The following TTC6 variants were observed in gnomAD, a reference collection of about 807,000 sequenced individuals.
The protein encoded by TTC6 is tetratricopeptide repeat domain 6.
Under a neutral mutation model 210.4 loss-of-function variants are expected in TTC6, and 172 were observed. The observed-to-expected ratio is 0.82, with a 90% CI of 0.72 to 0.93. The LOEUF (loss-of-function observed/expected upper bound fraction) is 0.93. Ranked by LOEUF, TTC6 falls within the 40% of genes least tolerant of loss-of-function variation. The pLI, the probability that TTC6 is intolerant of heterozygous loss-of-function variation, is 0.00. For synonymous variants in TTC6, 804 were observed against 819.6 expected, an observed-to-expected ratio of 0.98 and a Z score of 0.32; for missense variants, 2,414 against 2,318.1, an observed-to-expected ratio of 1.04 and a Z score of -0.85.
intron 13 of TTC6, among the ~76,000 whole-genome samples, chr14:37,751,823 CT>C (rs71127240): frequency 1.0e-4 from 13 of 125,486 alleles, no homozygotes; most frequent in African/African-American, 1.8e-4. Flanking sequence ...AGGAAATGAA[CT>C]TTTTTTTTTT....
At chr14:37,801,568 CCTT>C (rs1235626596) in intron 20 of TTC6, among the ~76,000 whole-genome samples, 1 of 152,134 alleles carries the variant, frequency 6.6e-6, no homozygotes, top group Non-Finnish European at 1.5e-5. Context: ...TATAAGACCT[CCTT>C]CTTAGCAGAG....
chr14:37,667,799 C>T (rs1328950734), intron 1 of TTC6, among the ~76,000 whole-genome samples: 1 of 150,502 alleles, frequency 6.6e-6, no homozygotes, highest in Non-Finnish European at 1.5e-5. Flanking sequence ...CAGTTTTTAC[C>T]TCCACTAAAG....
chr14:37,815,133 G>C (rs1363350188), intron 25 of TTC6, among the ~76,000 whole-genome samples: 1 of 152,176 alleles, frequency 6.6e-6, no homozygotes, highest in African/African-American at 2.4e-5. Flanking sequence ...AGATAGTAGA[G>C]AAGAGATGTT....
rs1025422697 is a variant in TTC6, at chr14:37,622,509, G to A, written c.445G>A (p.Val149Met). The A allele has an allele frequency of 7.2e-6, 11 of 1,535,160 alleles. No individual in the cohort carries two copies. The Admixed American group carries it at 1.6e-4, about 22-fold the overall frequency. The change falls in exon 1 of 31, where the codon GTG becomes ATG. Residue 149 changes from valine (V) to methionine (M), a missense_variant. Transcript: ENST00000553443. Reference sequence around the variant, plus strand: ...CTCGGGGTTCGGCACGGCCAGACCCGTGGTCCTGCTGCCTCCGCCCGAGCC... The same window carrying A: ...CTCGGGGTTCGGCACGGCCAGACCCATGGTCCTGCTGCCTCCGCCCGAGCC...
chr14:37,704,047 T>G (rs537378252), intron 5 of TTC6, among the ~76,000 whole-genome samples: 1 of 152,152 alleles, frequency 6.6e-6, no homozygotes. Context: ...TCAAGATTGT[T>G]TGTGAACATT....
intron 25 of TTC6, among the ~76,000 whole-genome samples, chr14:37,814,705 G>T (rs2096137503): frequency 6.6e-6 from 1 of 152,024 alleles, no homozygotes; most frequent in Non-Finnish European, 1.5e-5. Flanking sequence ...ATATACCACA[G>T]AAACAAATTG....
At chr14:37,651,384 ATGT>A (rs2095710803) in intron 1 of TTC6, among the ~76,000 whole-genome samples, 1 of 57,410 alleles carries the variant, frequency 1.7e-5, no homozygotes, top group African/African-American at 6.4e-5. Flanking sequence ...TGCACTGTTT[ATGT>A]TATATATATA....
At chr14:37,735,574 T>C (rs2095899442) in intron 7 of TTC6, among the ~76,000 whole-genome samples, 1 of 152,208 alleles carries the variant, frequency 6.6e-6, no homozygotes, top group Non-Finnish European at 1.5e-5. Flanking sequence ...AAACTAGATA[T>C]GTCTTGTTCA....
chr14:37,802,255 CAG>C (rs1390865847), intron 20 of TTC6: 1 of 152,066 alleles, frequency 6.6e-6, no homozygotes, highest in East Asian at 1.9e-4. Flanking sequence ...TGCGGGGAGA[CAG>C]AGCATTAGGA....
intron 20 of TTC6, among the ~76,000 whole-genome samples, chr14:37,801,530 G>A (rs1375507692): frequency 6.6e-6 from 1 of 152,112 alleles, no homozygotes; most frequent in African/African-American, 2.4e-5. Flanking sequence ...AATTGGTGGG[G>A]TGTCGCTCCC....
chr14:37,692,889 A>C, intron 3 of TTC6, among the ~76,000 whole-genome samples: 1 of 149,098 alleles, frequency 6.7e-6, no homozygotes, highest in Non-Finnish European at 1.5e-5. Flanking sequence ...ATAAATAAAT[A>C]AATAAATAAA....
chr14:37,744,846 G>A (rs2095931159), intron 10 of TTC6, among the ~76,000 whole-genome samples: 1 of 152,112 alleles, frequency 6.6e-6, no homozygotes, highest in Non-Finnish European at 1.5e-5. Context: ...AGTGGAGCAG[G>A]GAGACCAGTT....
At chr14:37,830,602 A>C (rs1056344330) in intron 29 of TTC6, among the ~76,000 whole-genome samples, 26 of 151,710 alleles carry the variant, frequency 1.7e-4, no homozygotes, top group Admixed American at 1.6e-3. Context: ...TGGACCTCAT[A>C]AGTTAGATTT....
At chr14:37,812,634 AGCCAATACATT>A (rs773511787) in intron 25 of TTC6, among the ~76,000 whole-genome samples, 10,245 of 152,140 alleles carry the variant, frequency 0.067, 516 homozygotes, top group South Asian at 0.13. Flanking sequence ...ACAGATAAAC[AGCCAATACATT>A]TTTAAACATT....
chr14:37,754,303 G>A (rs1473927199), intron 14 of TTC6, among the ~76,000 whole-genome samples: 2 of 151,994 alleles, frequency 1.3e-5, no homozygotes, highest in East Asian at 3.9e-4. Context: ...TGTTCTCATA[G>A]TTCAATTCCC....
intron 1 of TTC6, among the ~76,000 whole-genome samples, chr14:37,646,535 AAAC>A (rs1373060361): frequency 4.6e-5 from 7 of 152,302 alleles, no homozygotes; most frequent in Admixed American, 1.3e-4. Flanking sequence ...GGTAAAACAA[AAAC>A]AACAGGCCAT....
At chr14:37,788,607 A>C (rs977279556) in intron 15 of TTC6, among the ~76,000 whole-genome samples, 1 of 152,048 alleles carries the variant, frequency 6.6e-6, no homozygotes, top group Non-Finnish European at 1.5e-5. Context: ...TTTCTGTCTA[A>C]TTCTTTCGTC....
rs537419862 is a variant in TTC6 at position 37,727,722 on chromosome 14, T to C, written c.1818+2720T>C. Among the ~76,000 whole-genome samples the C allele has an allele frequency of 3.2e-3, 408 of 127,766 alleles. 3 individuals are homozygous for C. Among genetic ancestry groups the C allele is most frequent in the African/African-American group, 0.011 (372 of 34,426 alleles). 83.8% of individuals were successfully genotyped at this position (127,766 alleles called of 152,430 possible). A position where few individuals can be genotyped will look rare whatever the true frequency, so the allele number is the denominator to read the frequency against. On this transcript the variant is annotated intron_variant, in intron 7 of 30. Transcript: ENST00000553443. ...TTCAAACCTTTTCATTTGCAGTGTCTTTATTTATTTTCAAAGTAATTTCTA... is the reference window on the plus strand; with the variant it reads ...TTCAAACCTTTTCATTTGCAGTGTCCTTATTTATTTTCAAAGTAATTTCTA...
At chr14:37,743,673 G>T (rs992580944) in intron 10 of TTC6, among the ~76,000 whole-genome samples, 2 of 152,162 alleles carry the variant, frequency 1.3e-5, no homozygotes, top group Non-Finnish European at 2.9e-5. Context: ...AATGAGAAGG[G>T]ATTTGTGGGT....
Sources: allele counts gnomAD v4.1 joint callset (sites outside exome capture counted in the v4.1 genomes callset), GRCh38; gene constraint gnomAD v4.1.1; transcripts MANE v1.5; gene names NCBI Gene and HGNC (gene_info 2026-07-23, HGNC 2026-07-21).